Variants in PABPC4L observed in about 807,000 individuals in gnomAD.
PABPC4L encodes the protein poly(A) binding protein cytoplasmic 4 like, also known as polyadenylate-binding protein 4-like.
For missense variants in PABPC4L, 452 were observed against 451.4 expected, an observed-to-expected ratio of 1.00 and a Z score of -0.01; for synonymous variants, 169 against 164.1, an observed-to-expected ratio of 1.03 and a Z score of -0.23.
chr4:134,081,168 C>T, the PABPC4L span, among the ~76,000 whole-genome samples: 19 of 152,116 alleles, frequency 1.2e-4, no homozygotes, highest in Non-Finnish European at 1.8e-4. Flanking sequence ...CATTTAATGG[C>T]TGTTGAAGTC....
chr4:134,119,609 C>G, the PABPC4L span, among the ~76,000 whole-genome samples: 1 of 151,628 alleles, frequency 6.6e-6, no homozygotes, highest in East Asian at 1.9e-4. Flanking sequence ...GAAAAGTACA[C>G]AAATCTTACA....
chr4:133,985,834 T>G, the PABPC4L span, among the ~76,000 whole-genome samples: 2 of 152,062 alleles, frequency 1.3e-5, no homozygotes, highest in African/African-American at 4.8e-5. Flanking sequence ...TAATTTCTTA[T>G]CATGAATGTA....
At chr4:133,971,932 C>T in the PABPC4L span, among the ~76,000 whole-genome samples, 1 of 152,144 alleles carries the variant, frequency 6.6e-6, no homozygotes, top group South Asian at 2.1e-4. Flanking sequence ...TTGTGCCCTT[C>T]TCATTCACAA....
At chr4:133,984,333 T>C in the PABPC4L span, among the ~76,000 whole-genome samples, 1 of 151,902 alleles carries the variant, frequency 6.6e-6, no homozygotes, top group South Asian at 2.1e-4. Context: ...AGATGCATAA[T>C]TTTTTAAATT....
the PABPC4L span, among the ~76,000 whole-genome samples, chr4:134,022,688 A>T: frequency 6.6e-6 from 1 of 151,450 alleles, no homozygotes; most frequent in African/African-American, 2.4e-5. Context: ...TATTTAGTTT[A>T]GTTTTGTTTT....
At chr4:134,172,930 A>G in the PABPC4L span, among the ~76,000 whole-genome samples, 1 of 151,996 alleles carries the variant, frequency 6.6e-6, no homozygotes, top group Non-Finnish European at 1.5e-5. Flanking sequence ...AAAAGAAGAC[A>G]AACAAATGAC....
chr4:134,201,174 A>C lies in PABPC4L; in HGVS notation c.-155T>G. ...AATGGAGTTCAGACACGACTCCCCC[A>C]GCTCAGGCAACACCCTCATCCAAAA... On this transcript the variant is annotated 5_prime_UTR_variant, in exon 2 of 2. Transcript: ENST00000421491. The C allele has an allele frequency of 6.5e-7, 1 of 1,548,490 alleles. No individual in the cohort carries two copies. The highest frequency in any genetic ancestry group is 8.7e-7 in the Non-Finnish European group (1 of 1,145,986).
chr4:134,125,063 C>A, the PABPC4L span, among the ~76,000 whole-genome samples: 1 of 151,990 alleles, frequency 6.6e-6, no homozygotes, highest in Non-Finnish European at 1.5e-5. Context: ...CCTGTATTAA[C>A]CTTAAAGTTT....
chr4:134,112,016 C>G, the PABPC4L span, among the ~76,000 whole-genome samples: 5 of 151,800 alleles, frequency 3.3e-5, no homozygotes, highest in Non-Finnish European at 7.4e-5. Flanking sequence ...TATGAAATAT[C>G]AAACTATACA....
At chr4:133,993,939 T>C in the PABPC4L span, among the ~76,000 whole-genome samples, 170 of 152,082 alleles carry the variant, frequency 1.1e-3, 1 homozygote, top group Non-Finnish European at 1.4e-3. Context: ...CAAGGTTCTG[T>C]AATAAATAAA....
chr4:134,188,115 G>A, the PABPC4L span, among the ~76,000 whole-genome samples: 1 of 150,810 alleles, frequency 6.6e-6, no homozygotes, highest in Non-Finnish European at 1.5e-5. Flanking sequence ...TGTGTGCAGG[G>A]GTGTTTGTGT....
the PABPC4L span, among the ~76,000 whole-genome samples, chr4:134,005,201 T>C: frequency 6.6e-6 from 1 of 151,920 alleles, no homozygotes; most frequent in Non-Finnish European, 1.5e-5. Flanking sequence ...AAACTTCATG[T>C]ACACCATAAA....
Position 134,200,902 on chromosome 4 carries a change from G to C in PABPC4L, c.118C>G (p.Arg40Gly), listed in dbSNP as rs1436460887. Residue 40 changes from arginine to glycine, a missense_variant, in exon 2 of 2, where the codon CGC (arginine) becomes GGC (glycine). Arg to Gly is a moderately radical substitution (Grantham distance 125). Transcript: ENST00000421491. ...FSTVGPVLSI[R>G]ICRDQVTRRS... ...CGGGTGACCTGGTCCCTGCAAATGC[G>C]GATGGACAGCACAGGCCCCACAGTG... 1.9e-6 allele frequency: 3 copies of C among 1,560,778 alleles called. No homozygotes were observed. The highest frequency in any genetic ancestry group is 2.6e-6 in the Non-Finnish European group (3 of 1,152,176).
chr4:134,195,229 G>T (rs947763454), downstream of PABPC4L, among the ~76,000 whole-genome samples: 17 of 151,644 alleles, frequency 1.1e-4, no homozygotes, highest in Non-Finnish European at 2.4e-4. Flanking sequence ...GATTAACAAA[G>T]ATTTGCTGGA....
At chr4:134,001,062 C>CAT in the PABPC4L span, among the ~76,000 whole-genome samples, 13 of 151,918 alleles carry the variant, frequency 8.6e-5, no homozygotes, top group African/African-American at 3.1e-4. Context: ...GAAACTAAGC[C>CAT]ATAGAGAGGT....
chr4:134,006,644 G>C, the PABPC4L span, among the ~76,000 whole-genome samples: 1 of 151,852 alleles, frequency 6.6e-6, no homozygotes, highest in Non-Finnish European at 1.5e-5. Flanking sequence ...AACTTCTAAA[G>C]GGTAGGCAGG....
the PABPC4L span, among the ~76,000 whole-genome samples, chr4:134,084,492 AT>A: frequency 2.0e-3 from 297 of 151,748 alleles, 2 homozygotes; most frequent in Middle Eastern, 6.8e-3. Context: ...AAATTGATGG[AT>A]TTTTTTTTAA....
the PABPC4L span, among the ~76,000 whole-genome samples, chr4:134,007,479 T>C: frequency 1.3e-5 from 2 of 151,724 alleles, no homozygotes; most frequent in African/African-American, 4.8e-5. Context: ...GCTAAATGCT[T>C]TACATATATT....
the PABPC4L span, among the ~76,000 whole-genome samples, chr4:133,970,026 A>AAT: frequency 1.7e-4 from 25 of 148,034 alleles, no homozygotes; most frequent in East Asian, 1.9e-3. Flanking sequence ...AAATCAAAGA[A>AAT]ATATATATAT....
Sources: gnomAD v4.1 joint callset for allele counts (sites outside exome capture counted in the v4.1 genomes callset) on GRCh38, gnomAD v4.1.1 for gene constraint, MANE v1.5 for transcripts, NCBI Gene and HGNC (gene_info 2026-07-23, HGNC 2026-07-21) for gene names.